The following ABCA10 variants were observed in gnomAD, a reference collection of about 807,000 sequenced individuals.
The protein encoded by ABCA10 is ATP binding cassette subfamily A member 10, also known as ATP-binding cassette sub-family A member 10.
A neutral mutation model predicts 187.5 loss-of-function variants in ABCA10; 169 were observed. The ratio of observed to expected loss-of-function variants is 0.90; its 90% CI spans 0.80 to 1.02. The LOEUF is 1.02. Among genes scored for constraint, ABCA10 ranks in the 50% least tolerant of loss-of-function variants. ABCA10 has a pLI of 0.00. For synonymous variants in ABCA10, 574 were observed against 601.8 expected (o/e 0.95, Z 0.68); for missense variants, 1,727 against 1,812.4 (o/e 0.95, Z 0.86).
chr17:69,193,879 C>T lies in ABCA10; in HGVS notation c.1456G>A (p.Val486Met), dbSNP rs773096533. 3.1e-6 allele frequency: 5 copies of T among 1,613,594 alleles called. No homozygotes were observed. The highest frequency in any genetic ancestry group is 4.2e-6 in the Non-Finnish European group (5 of 1,179,750). The change falls in exon 13 of 39, where the codon GTG (valine) becomes ATG (methionine). Residue 486 changes from valine (V) to methionine (M), a missense_variant. Val to Met is a conservative substitution (Grantham distance 21). Transcript: ENST00000690296. Reference protein sequence around the residue: ...QFNFQFDFLTVRENLRVFAKI... With the variant: ...QFNFQFDFLTMRENLRVFAKI... ...GCAAATACCCTGAGGTTTTCTCTCA[C>T]AGTGAGGAAGTCAAATTGAAAATTG...
At chr17:69,167,837 A>C (rs1209084036) in intron 25 of ABCA10, among the ~76,000 whole-genome samples, 3 of 152,182 alleles carry the variant, frequency 2.0e-5, no homozygotes, top group Non-Finnish European at 2.9e-5. Flanking sequence ...ATATGGAGAT[A>C]TTTTTGGAGA....
intron 22 of ABCA10, among the ~76,000 whole-genome samples, chr17:69,177,838 T>C: frequency 1.3e-5 from 2 of 149,726 alleles, no homozygotes; most frequent in Admixed American, 6.7e-5. Flanking sequence ...TGCCTGTAAT[T>C]CCAGCTACTT....
Position 69,175,389 on chromosome 17 carries a change from C to T in ABCA10, c.2877+17G>A. The T allele has an allele frequency of 6.3e-7, 1 of 1,585,278 alleles. No homozygotes were observed. On this transcript the variant is annotated intron_variant, in intron 23 of 38. Transcript: ENST00000690296. ...ATAAAATCAATCTCAATCTAATTTC[C>T]TCTCTCTCCCTCTTACTTTATAATC...
At chr17:69,159,562 C>T (rs573310441) in intron 27 of ABCA10, among the ~76,000 whole-genome samples, 15 of 152,080 alleles carry the variant, frequency 9.9e-5, no homozygotes, top group Non-Finnish European at 1.8e-4. Flanking sequence ...GGATTCATCA[C>T]TCAGAGAGAA....
intron 36 of ABCA10, among the ~76,000 whole-genome samples, chr17:69,151,199 G>T (rs906563368): frequency 6.6e-6 from 1 of 152,098 alleles, no homozygotes; most frequent in Non-Finnish European, 1.5e-5. Context: ...GACATTTGTA[G>T]AATTCATTCT....
chr17:69,151,409 C>T (rs1275587477), intron 36 of ABCA10, among the ~76,000 whole-genome samples: 1 of 151,998 alleles, frequency 6.6e-6, no homozygotes, highest in Admixed American at 6.6e-5. Flanking sequence ...ACACAGCCGG[C>T]AGCAGATAAT....
intron 14 of ABCA10, 122 bp from the exon 15 acceptor site, chr17:69,193,370 C>T (rs2074475662): frequency 6.6e-7 from 1 of 1,505,848 alleles, no homozygotes; most frequent in African/African-American, 1.4e-5. Context: ...CCCTAACAAG[C>T]TTGCATGGTA....
In ABCA10 at chr17:69,215,888, C is replaced by T. The variant is rs373465608; in HGVS notation, c.785G>A (p.Arg262Lys). Residue 262 changes from arginine to lysine, a missense_variant, in exon 8 of 39, where the codon AGA becomes AAA. Coordinates refer to ENST00000690296, the MANE Select transcript of ABCA10 (RefSeq NM_001377321.1). ...CCATCCCAAAGATAAAGGAAGTTGT[C>T]TATATAACACAGTGAATCCCAGACA... ...WGCLGFTVLY[R>K]QLPLSLGWVL... 1.2e-5 allele frequency: 19 copies of T among 1,613,266 alleles called. No individual in the cohort carries two copies. The highest frequency in any genetic ancestry group is 1.6e-5 in the Non-Finnish European group (19 of 1,179,750).
In ABCA10 at chr17:69,190,490, T is replaced by C. The variant is rs369607947; in HGVS notation, c.2012-13A>G. 62 of 1,554,936 alleles carry C rather than the reference T, an allele frequency of 4.0e-5. No homozygotes were observed. In the African/African-American group the frequency reaches 5.3e-4, roughly 13 times the overall value. On this transcript the variant is annotated splice_polypyrimidine_tract_variant and intron_variant, in intron 17 of 38. Coordinates refer to ENST00000690296, the MANE Select transcript of ABCA10 (RefSeq NM_001377321.1). ...TCACTGTAAAGATCTAAAAAGCCAA[T>C]AGTAATAAGTCAACGCAATTAAAAT... is the stretch of plus-strand genomic sequence containing the variant.
Position 69,192,742 on chromosome 17 carries a change from A to G in ABCA10, c.1781-89T>C, listed in dbSNP as rs1036223516. 116 of 1,118,016 alleles carry G rather than the reference A, an allele frequency of 1.0e-4. No individual in the cohort carries two copies. In the African/African-American group the frequency reaches 1.5e-3, roughly 14 times the overall value. The allele number at this position is 1,118,016 out of a possible 1,614,324, so 69.3% of individuals were successfully genotyped here. ...ACTTTGGATACTAAAACACTGAATG[A>G]AATTTGTAATATCAATACAACTGTA... On this transcript the variant is annotated intron_variant, in intron 15 of 38. Transcript: ENST00000690296.
intron 9 of ABCA10, among the ~76,000 whole-genome samples, chr17:69,214,183 A>C (rs1008308866): frequency 1.3e-5 from 2 of 152,352 alleles, no homozygotes; most frequent in Non-Finnish European, 2.9e-5. Flanking sequence ...CAAAAACCAA[A>C]ATAAATACAG....
At chr17:69,167,354 A>G (rs2074261408) in intron 25 of ABCA10, among the ~76,000 whole-genome samples, 1 of 152,200 alleles carries the variant, frequency 6.6e-6, no homozygotes. Flanking sequence ...GAACATCATG[A>G]AAGTCTGGAA....
At chr17:69,150,144 A>AT (rs1479076850) in intron 36 of ABCA10, 81 bp from the exon 37 acceptor site, 2 of 991,494 alleles carry the variant, frequency 2.0e-6, no homozygotes, top group Non-Finnish European at 3.1e-6. Context: ...AAGTAAAATA[A>AT]TTTTTCAATG....
intron 20 of ABCA10, among the ~76,000 whole-genome samples, chr17:69,184,849 A>ATGTGTGTGTGTGTG (rs139291537): frequency 6.9e-6 from 1 of 144,082 alleles, no homozygotes; most frequent in African/African-American, 2.7e-5. Flanking sequence ...ATATATGTAT[A>ATGTGTGTGTGTGTG]TGTGTGTGTG....
In ABCA10 at chr17:69,155,867, C is replaced by T; in HGVS notation, c.3514G>A (p.Glu1172Lys). ...PNPEEPEEED[E>K]DVQAERVQAA... ...TGGACTCTTTCAGCTTGAACATCTTCATCTTCTTCTTCGGGCTCTTCCGGA... is the reference window on the plus strand; with the variant it reads ...TGGACTCTTTCAGCTTGAACATCTTTATCTTCTTCTTCGGGCTCTTCCGGA... Residue 1172 changes from glutamate to lysine, a missense_variant, in exon 29 of 39, where the codon GAA becomes AAA. Physicochemically the swap from Glu to Lys is moderately conservative, Grantham distance 56. Transcript: ENST00000690296. The T allele has an allele frequency of 6.2e-7, 1 of 1,613,788 alleles. No homozygotes were observed. Among genetic ancestry groups the T allele is most frequent in the Non-Finnish European group, 8.5e-7 (1 of 1,179,794 alleles).
chr17:69,190,705 T>C (rs1220728559), intron 17 of ABCA10, among the ~76,000 whole-genome samples: 1 of 152,048 alleles, frequency 6.6e-6, no homozygotes, highest in East Asian at 1.9e-4. Flanking sequence ...TCTTGTATCA[T>C]TATTGCTGTG....
Position 69,164,548 on chromosome 17 carries a change from T to C in ABCA10, c.3283-394A>G, listed in dbSNP as rs75723323. On this transcript the variant is annotated intron_variant, in intron 26 of 38. Transcript: ENST00000690296. ...CACAAGTCATACACTCCAAAAGCAA[T>C]TTATTGACACTAAGTAGTATGCAAT... Among the ~76,000 whole-genome samples, 137 of 152,294 alleles carry C rather than the reference T, an allele frequency of 9.0e-4. 3 individuals are homozygous for C. The East Asian group carries it at 0.025, about 28-fold the overall frequency.
intron 9 of ABCA10, among the ~76,000 whole-genome samples, chr17:69,204,263 T>C (rs2074572848): frequency 6.6e-6 from 1 of 152,216 alleles, no homozygotes; most frequent in Admixed American, 6.5e-5. Flanking sequence ...CCTTATGATA[T>C]ACTATTTCAC....
intron 17 of ABCA10, 146 bp from the exon 18 acceptor site, chr17:69,190,623 T>G (rs2074452814): frequency 1.4e-6 from 1 of 709,888 alleles, no homozygotes; most frequent in Non-Finnish European, 2.1e-6. Flanking sequence ...ACCTTTTCTG[T>G]AAGATATTCT....
Sources: allele counts gnomAD v4.1 joint callset (sites outside exome capture counted in the v4.1 genomes callset), GRCh38; gene constraint gnomAD v4.1.1; transcripts MANE v1.5; gene names NCBI Gene and HGNC (gene_info 2026-07-23, HGNC 2026-07-21).